ST8SIA1: variants seen among roughly 807,000 people sequenced by gnomAD.
ST8SIA1 encodes the protein alpha-N-acetylneuraminide alpha-2,8-sialyltransferase.
A neutral mutation model predicts 35.9 loss-of-function variants in ST8SIA1; 16 were observed. That is an observed-to-expected ratio of 0.45 (90% confidence interval 0.30 to 0.68). The LOEUF (loss-of-function observed/expected upper bound fraction) is 0.68. ST8SIA1 is among the 30% of genes least tolerant of loss of function. The pLI is 0.09. For synonymous variants in ST8SIA1, 170 were observed against 169.6 expected (o/e 1.00, Z -0.02); for missense variants, 383 against 453.6 (o/e 0.84, Z 1.41).
intron 1 of ST8SIA1, among the ~76,000 whole-genome samples, chr12:22,291,619 GGAGTGTCATCA>G (rs1478718750): frequency 6.6e-6 from 1 of 152,122 alleles, no homozygotes; most frequent in African/African-American, 2.4e-5. Context: ...GCACAAACAG[GGAGTGTCATCA>G]GAGTTTACTG....
At chr12:22,228,237 A>G (rs1352882207) in intron 4 of ST8SIA1, among the ~76,000 whole-genome samples, 1 of 152,232 alleles carries the variant, frequency 6.6e-6, no homozygotes, top group Admixed American at 6.5e-5. Flanking sequence ...TTGCCAGTGG[A>G]TAGAGTGGGA....
intron 2 of ST8SIA1, among the ~76,000 whole-genome samples, chr12:22,282,777 C>T (rs550448224): frequency 6.6e-6 from 1 of 152,262 alleles, no homozygotes; most frequent in East Asian, 1.9e-4. Flanking sequence ...AGCAAAGATC[C>T]ATCCCCACCA....
intron 4 of ST8SIA1, among the ~76,000 whole-genome samples, chr12:22,238,684 C>T (rs1865504126): frequency 6.6e-6 from 1 of 152,200 alleles, no homozygotes; most frequent in African/African-American, 2.4e-5. Flanking sequence ...ATCTCCCCCT[C>T]CTAACTTATG....
At chr12:22,225,630 T>C (rs1381262559) in intron 4 of ST8SIA1, among the ~76,000 whole-genome samples, 1 of 152,188 alleles carries the variant, frequency 6.6e-6, no homozygotes, top group Non-Finnish European at 1.5e-5. Context: ...TATGGTTATA[T>C]AACTAAACAC....
At chr12:22,294,783 A>T (rs1297017987) in intron 1 of ST8SIA1, among the ~76,000 whole-genome samples, 1 of 152,216 alleles carries the variant, frequency 6.6e-6, no homozygotes, top group South Asian at 2.1e-4. Flanking sequence ...TATTTGTTTT[A>T]TAATTTATTG....
At chr12:22,326,148 A>G in intron 1 of ST8SIA1, 1 of 401,126 alleles carries the variant, frequency 2.5e-6, no homozygotes, top group Non-Finnish European at 4.4e-6. Context: ...AGATTATAAA[A>G]TTTGTTAATT....
chr12:22,256,372 C>T (rs1390313972), intron 2 of ST8SIA1, among the ~76,000 whole-genome samples: 2 of 152,164 alleles, frequency 1.3e-5, no homozygotes, highest in African/African-American at 4.8e-5. Context: ...AAGTGAAATG[C>T]GTCATTCGGC....
intron 2 of ST8SIA1, among the ~76,000 whole-genome samples, chr12:22,285,623 G>A (rs929215279): frequency 6.6e-6 from 1 of 152,084 alleles, no homozygotes; most frequent in African/African-American, 2.4e-5. Context: ...TGTAATCCCA[G>A]CACTTTGGGA....
intron 4 of ST8SIA1, among the ~76,000 whole-genome samples, chr12:22,244,716 T>G (rs773812198): frequency 3.9e-5 from 6 of 152,180 alleles, no homozygotes; most frequent in Non-Finnish European, 5.9e-5. Context: ...CCTCCCAAAG[T>G]GCTGAGATTA....
rs73265990 is a variant in ST8SIA1, at chr12:22,224,165, T to C, written c.585-22127A>G. Among the ~76,000 whole-genome samples the C allele has an allele frequency of 2.3e-3, 346 of 152,278 alleles. 2 individuals are homozygous for C. The highest frequency in any genetic ancestry group is 7.4e-3 in the African/African-American group (306 of 41,584). On this transcript the variant is annotated intron_variant, in intron 4 of 4. Coordinates refer to ENST00000396037, the MANE Select transcript of ST8SIA1 (RefSeq NM_003034.4). Reference sequence around the variant, plus strand: ...CTTCCAGCTCTAATGTGAGTATATTTATTAATATGACTGAATACTTATTTT... The same window carrying C: ...CTTCCAGCTCTAATGTGAGTATATTCATTAATATGACTGAATACTTATTTT...
intron 3 of ST8SIA1, among the ~76,000 whole-genome samples, chr12:22,249,305 A>G (rs1270294354): frequency 2.8e-5 from 4 of 145,190 alleles, no homozygotes; most frequent in Admixed American, 7.3e-5. Context: ...TGCAAGCTCC[A>G]CCTGCCGGGT....
Position 22,290,302 on chromosome 12 carries a change from G to A in ST8SIA1, c.237-3009C>T, listed in dbSNP as rs76970991. On this transcript the variant is annotated intron_variant, in intron 1 of 4. Transcript: ENST00000396037. Reference sequence around the variant, plus strand: ...ATGTGTATGCATATCCCATGTGCCTGAGTGGGGTCCTCATTAGCTCACCAG... The same window carrying A: ...ATGTGTATGCATATCCCATGTGCCTAAGTGGGGTCCTCATTAGCTCACCAG... Among the ~76,000 whole-genome samples, 500 of 152,246 alleles carry A rather than the reference G, an allele frequency of 3.3e-3. 2 individuals are homozygous for A. The highest frequency in any genetic ancestry group is 0.011 in the African/African-American group (456 of 41,544).
intron 1 of ST8SIA1, among the ~76,000 whole-genome samples, chr12:22,323,903 G>C (rs1458683601): frequency 1.3e-5 from 2 of 152,092 alleles, no homozygotes; most frequent in African/African-American, 4.8e-5. Context: ...CGAATGCTGG[G>C]CTTAATACCT....
At position 22,276,090 on chromosome 12, in the gene ST8SIA1, T is replaced by C. The variant is rs370373680; in HGVS notation, c.381+11059A>G. ...GATTCAGCACAACACTGGGGAGTGA[T>C]CTTTCCCTCAGGCCTCTGCCTACCA... On this transcript the variant is annotated intron_variant, in intron 2 of 4. Coordinates refer to ENST00000396037, the MANE Select transcript of ST8SIA1 (RefSeq NM_003034.4). Among the ~76,000 whole-genome samples the C allele has an allele frequency of 2.0e-4, 31 of 152,262 alleles. 2 individuals carry two copies. Among genetic ancestry groups the C allele is most frequent in the African/African-American group, 7.2e-4 (30 of 41,540 alleles).
chr12:22,263,934 A>G (rs749529769), intron 2 of ST8SIA1, among the ~76,000 whole-genome samples: 3 of 152,292 alleles, frequency 2.0e-5, no homozygotes, highest in Non-Finnish European at 4.4e-5. Context: ...ATCAGTCATG[A>G]TGTCAAAACA....
chr12:22,228,116 T>C (rs1281499207), intron 4 of ST8SIA1, among the ~76,000 whole-genome samples: 3 of 152,154 alleles, frequency 2.0e-5, no homozygotes, highest in Admixed American at 2.0e-4. Context: ...TATTGTGAAG[T>C]ATGGTTGTCA....
At chr12:22,292,964 A>G (rs1866197471) in intron 1 of ST8SIA1, among the ~76,000 whole-genome samples, 1 of 152,280 alleles carries the variant, frequency 6.6e-6, no homozygotes, top group Admixed American at 6.5e-5. Context: ...AGACAGTGTT[A>G]GAGAAAGCAG....
At chr12:22,331,639 T>C (rs998520291) in intron 1 of ST8SIA1, among the ~76,000 whole-genome samples, 5 of 152,334 alleles carry the variant, frequency 3.3e-5, no homozygotes, top group East Asian at 1.9e-4. Flanking sequence ...AAATAAACAC[T>C]ACTGCCATAT....
intron 4 of ST8SIA1, among the ~76,000 whole-genome samples, chr12:22,216,104 A>G (rs1865231167): frequency 1.3e-5 from 2 of 152,124 alleles, no homozygotes; most frequent in Non-Finnish European, 2.9e-5. Flanking sequence ...CAGTTGGCCA[A>G]CCCTAACTAA....
Sources: gnomAD v4.1 joint callset for allele counts (sites outside exome capture counted in the v4.1 genomes callset) on GRCh38, gnomAD v4.1.1 for gene constraint, MANE v1.5 for transcripts, NCBI Gene and HGNC (gene_info 2026-07-23, HGNC 2026-07-21) for gene names.